The following HDAC3 variants were observed in gnomAD, a reference collection of about 807,000 sequenced individuals.
HDAC3 encodes the protein histone deacetylase 3.
Under a neutral mutation model 62.3 loss-of-function variants are expected in HDAC3, and 21 were observed. The observed-to-expected ratio is 0.34, with a 90% CI of 0.24 to 0.49. The LOEUF is 0.49. Among genes scored for constraint, HDAC3 ranks in the 20% least tolerant of loss-of-function variants. The pLI is 0.99. For synonymous variants in HDAC3, 198 were observed against 206.5 expected, an observed-to-expected ratio of 0.96 and a Z score of 0.35; for missense variants, 270 against 556.9, an observed-to-expected ratio of 0.48 and a Z score of 5.19.
intron 14 of HDAC3, among the ~76,000 whole-genome samples, chr5:141,624,057 A>C (rs866546214): frequency 2.6e-4 from 39 of 151,638 alleles, no homozygotes; most frequent in Non-Finnish European, 5.0e-4. Flanking sequence ...AAAAAAAAAA[A>C]AAAAACATAA....
chr5:141,624,372 CAAAAAAAA>C (rs58610895), intron 14 of HDAC3, among the ~76,000 whole-genome samples: 14 of 22,094 alleles, frequency 6.3e-4, no homozygotes, highest in African/African-American at 1.2e-3. Flanking sequence ...CCGTCTCTAC[CAAAAAAAA>C]AAAAAAAAAA....
chr5:141,635,811 G>A (rs1015104410), intron 2 of HDAC3: 1 of 152,126 alleles, frequency 6.6e-6, no homozygotes, highest in African/African-American at 2.4e-5. Flanking sequence ...GTCCCACTGT[G>A]GCCCAAGCTG....
In HDAC3 at chr5:141,629,792, C is replaced by T. The variant is rs901554996; in HGVS notation, c.421-53G>A. 3.1e-6 allele frequency: 5 copies of T among 1,609,862 alleles called. No homozygotes were observed. The highest frequency in any genetic ancestry group is 3.4e-6 in the Non-Finnish European group (4 of 1,176,200). Reference sequence around the variant, plus strand: ...AGAAGAGCAATTCCCCTCCCAGCTGCCCCCCACCATCATCCTAAACACCTA... The same window carrying T: ...AGAAGAGCAATTCCCCTCCCAGCTGTCCCCCACCATCATCCTAAACACCTA... On this transcript the variant is annotated intron_variant, in intron 5 of 14. Coordinates refer to ENST00000305264, the MANE Select transcript of HDAC3 (RefSeq NM_003883.4). This position sits in a 1 kb window ranked among gnomAD's most constrained non-coding sequence, Gnocchi z 5.3.
chr5:141,628,236 G>T lies in HDAC3; in HGVS notation c.692-49C>A. ...ACCTGGCACCCCAAGGGGATGGGGA[G>T]ACAGGGAACAAAAGGAAAAAGGGGG... On this transcript the variant is annotated intron_variant, in intron 8 of 14. Coordinates refer to ENST00000305264, the MANE Select transcript of HDAC3 (RefSeq NM_003883.4). The surrounding 1 kb of genome is among the most constrained non-coding windows in gnomAD (Gnocchi z 4.7). The T allele has an allele frequency of 6.6e-7, 1 of 1,515,398 alleles. No individual in the cohort carries two copies. The highest frequency in any genetic ancestry group is 1.1e-5 in the South Asian group (1 of 89,028). The allele number at this position is 1,515,398 out of a possible 1,614,324, so 93.9% of individuals were successfully genotyped here. A position where few individuals can be genotyped will look rare whatever the true frequency, so the allele number is the denominator to read the frequency against.
At chr5:141,631,989 G>T (rs890200649) in intron 3 of HDAC3, among the ~76,000 whole-genome samples, 75 of 151,744 alleles carry the variant, frequency 4.9e-4, no homozygotes, top group Non-Finnish European at 9.4e-4. Flanking sequence ...ACTGGGCAGA[G>T]GGATTTATGG....
chr5:141,632,901 G>A (rs2099905432), intron 3 of HDAC3, among the ~76,000 whole-genome samples: 1 of 152,184 alleles, frequency 6.6e-6, no homozygotes, highest in Non-Finnish European at 1.5e-5. Context: ...TACAGCCCTG[G>A]CTGCTTCTGT....
chr5:141,635,862 C>T (rs2099905900), intron 2 of HDAC3: 1 of 152,300 alleles, frequency 6.6e-6, no homozygotes, highest in South Asian at 2.1e-4. Flanking sequence ...CCCATTTCAA[C>T]CTCCCAAAGT....
In HDAC3 at chr5:141,628,412, T is replaced by A; in HGVS notation, c.691+147A>T. On this transcript the variant is annotated intron_variant, in intron 8 of 14. Transcript: ENST00000305264. This position sits in a 1 kb window ranked among gnomAD's most constrained non-coding sequence, Gnocchi z 4.7. ...ATGCACATACACATGATATGTTGCA[T>A]ACAATTTCCAGAGATTCATGGTCCC... The A allele has an allele frequency of 3.9e-6, 3 of 762,300 alleles. No individual in the cohort carries two copies. Among genetic ancestry groups the A allele is most frequent in the Non-Finnish European group, 6.8e-6 (3 of 442,750 alleles). 47.2% of individuals were successfully genotyped at this position (762,300 alleles called of 1,614,324 possible). A position where few individuals can be genotyped will look rare whatever the true frequency, so the allele number is the denominator to read the frequency against.
chr5:141,624,039 A>C (rs1271762178), intron 14 of HDAC3, among the ~76,000 whole-genome samples: 36 of 143,866 alleles, frequency 2.5e-4, no homozygotes, highest in African/African-American at 9.4e-4. Context: ...AGAAAGATAA[A>C]GACTTTTAAA....
Position 141,625,476 on chromosome 5 carries a change from T to A in HDAC3, c.1060-111A>T. On this transcript the variant is annotated intron_variant, in intron 13 of 14. Transcript: ENST00000305264. The surrounding 1 kb of genome is among the most constrained non-coding windows in gnomAD (Gnocchi z 4.0). Reference sequence around the variant, plus strand: ...TACTGGTTTTCATCTCAGTGGTACCTCTAGTTCAGGTCCCCCAACTGATAG... The same window carrying A: ...TACTGGTTTTCATCTCAGTGGTACCACTAGTTCAGGTCCCCCAACTGATAG... 7.7e-7 allele frequency: 1 copy of A among 1,297,584 alleles called. No homozygotes were observed. The highest frequency in any genetic ancestry group is 1.1e-6 in the Non-Finnish European group (1 of 904,592). 80.4% of individuals were successfully genotyped at this position (1,297,584 alleles called of 1,614,324 possible).
Position 141,625,473 on chromosome 5 carries a change from A to T in HDAC3, c.1060-108T>A. 1 of 1,324,190 alleles carries T rather than the reference A, an allele frequency of 7.6e-7. No individual in the cohort carries two copies. Among genetic ancestry groups the T allele is most frequent in the Non-Finnish European group, 1.1e-6 (1 of 927,976 alleles). 82.0% of individuals were successfully genotyped at this position (1,324,190 alleles called of 1,614,324 possible). A position where few individuals can be genotyped will look rare whatever the true frequency, so the allele number is the denominator to read the frequency against. On this transcript the variant is annotated intron_variant, in intron 13 of 14. Transcript: ENST00000305264. The surrounding 1 kb of genome is among the most constrained non-coding windows in gnomAD (Gnocchi z 4.0). Reference sequence around the variant, plus strand: ...CCATACTGGTTTTCATCTCAGTGGTACCTCTAGTTCAGGTCCCCCAACTGA... The same window carrying T: ...CCATACTGGTTTTCATCTCAGTGGTTCCTCTAGTTCAGGTCCCCCAACTGA...
chr5:141,627,853 A>G (rs1179454578), intron 10 of HDAC3, 40 bp downstream of exon 10: 2 of 1,597,772 alleles, frequency 1.3e-6, no homozygotes, highest in Admixed American at 1.7e-5. Context: ...GTCCAAGGCC[A>G]CTTAAAAACC....
chr5:141,626,177 A>T lies in HDAC3; in HGVS notation c.920+17T>A. On this transcript the variant is annotated intron_variant, in intron 11 of 14. Transcript: ENST00000305264. The surrounding 1 kb of genome is among the most constrained non-coding windows in gnomAD (Gnocchi z 4.6). ...CTCACACTGGACAACAGGGGAGGAAATCAGGAGAGTGCTCACCAGCAGCGG... is the reference window on the plus strand; with the variant it reads ...CTCACACTGGACAACAGGGGAGGAATTCAGGAGAGTGCTCACCAGCAGCGG... The T allele has an allele frequency of 1.2e-6, 2 of 1,613,090 alleles. No individual in the cohort carries two copies. Among genetic ancestry groups the T allele is most frequent in the Non-Finnish European group, 1.7e-6 (2 of 1,179,036 alleles).
chr5:141,629,207 G>A lies in HDAC3; in HGVS notation c.576C>T (p.Phe192=). ...YLTDRVMTVS[F]HKYGNYFFPG... ...GGAAGAAGTAATTTCCGTATTTGTGGAAGGACACCGTCATGACCCGGTCAG... is the reference window on the plus strand; with the variant it reads ...GGAAGAAGTAATTTCCGTATTTGTGAAAGGACACCGTCATGACCCGGTCAG... Residue 192 remains phenylalanine (F), a synonymous_variant, in exon 7 of 15, where the codon TTC becomes TTT. Coordinates refer to ENST00000305264, the MANE Select transcript of HDAC3 (RefSeq NM_003883.4). This position sits in a 1 kb window ranked among gnomAD's most constrained non-coding sequence, Gnocchi z 5.3. The A allele has an allele frequency of 6.2e-7, 1 of 1,614,150 alleles. No homozygotes were observed. Among genetic ancestry groups the A allele is most frequent in the African/African-American group, 1.3e-5 (1 of 75,036 alleles).
chr5:141,630,296 A>G (rs2099905003), intron 3 of HDAC3, among the ~76,000 whole-genome samples, 171 bp from the exon 4 acceptor site: 1 of 152,204 alleles, frequency 6.6e-6, no homozygotes, highest in Non-Finnish European at 1.5e-5. Flanking sequence ...GGACCAAACC[A>G]TGTACCAAGC....
chr5:141,633,081 T>C (rs2154598017), intron 3 of HDAC3, among the ~76,000 whole-genome samples: 1 of 152,352 alleles, frequency 6.6e-6, no homozygotes, highest in South Asian at 2.1e-4. Flanking sequence ...CATCTAAGGA[T>C]TGGTATGAGA....
intron 3 of HDAC3, 61 bp downstream of exon 3, chr5:141,634,750 G>A: frequency 1.3e-6 from 2 of 1,551,168 alleles, no homozygotes; most frequent in Non-Finnish European, 1.8e-6. Flanking sequence ...GCTGCCAAAA[G>A]ACCTCACTGA....
chr5:141,635,267 C>G (rs72792339), intron 2 of HDAC3: 434 of 241,982 alleles, frequency 1.8e-3, no homozygotes, highest in Non-Finnish European at 2.2e-3. Context: ...ATCTCCTCCC[C>G]CAAGCTCTGA....
Position 141,628,435 on chromosome 5 carries a change from C to T in HDAC3, c.691+124G>A, listed in dbSNP as rs1370468304. On this transcript the variant is annotated intron_variant, in intron 8 of 14. Transcript: ENST00000305264. This position sits in a 1 kb window ranked among gnomAD's most constrained non-coding sequence, Gnocchi z 4.7. ...CATACAATTTCCAGAGATTCATGGTCCCTCTGAAGGCCATTCATCCTTAAG... is the reference window on the plus strand; with the variant it reads ...CATACAATTTCCAGAGATTCATGGTTCCTCTGAAGGCCATTCATCCTTAAG... 1 of 811,588 alleles carries T rather than the reference C, an allele frequency of 1.2e-6. No individual in the cohort carries two copies. The highest frequency in any genetic ancestry group is 1.5e-5 in the South Asian group (1 of 67,864). The allele number at this position is 811,588 out of a possible 1,614,324, so 50.3% of individuals were successfully genotyped here. A position where few individuals can be genotyped will look rare whatever the true frequency, so the allele number is the denominator to read the frequency against.
Sources: gnomAD v4.1 joint callset for allele counts (sites outside exome capture counted in the v4.1 genomes callset) on GRCh38, gnomAD v4.1.1 for gene constraint, Gnocchi (gnomAD v3.1) non-coding constraint, MANE v1.5 for transcripts, NCBI Gene and HGNC (gene_info 2026-07-23, HGNC 2026-07-21) for gene names.